SPTBN1: variants seen among roughly 807,000 people sequenced by gnomAD.
SPTBN1 encodes the protein spectrin beta chain, non-erythrocytic 1.
Under a neutral mutation model 266.4 loss-of-function variants are expected in SPTBN1, and 32 were observed. The observed-to-expected ratio is 0.12, with a 90% confidence interval of 0.09 to 0.16. The LOEUF is 0.16. Among genes scored for constraint, SPTBN1 ranks in the 10% least tolerant of loss-of-function variants. SPTBN1 has a pLI of 1.00. For synonymous variants in SPTBN1, 1,336 were observed against 1,162.2 expected, an observed-to-expected ratio of 1.15 and a Z score of -3.04; for missense variants, 2,296 against 3,067.1, an observed-to-expected ratio of 0.75 and a Z score of 5.94.
At chr2:54,659,869 T>G in intron 31 of SPTBN1, 67 bp from the exon 32 acceptor site, 1 of 1,561,150 alleles carries the variant, frequency 6.4e-7, no homozygotes. Flanking sequence ...TCTCCCACCC[T>G]TTCTTACTGT....
chr2:54,616,704 C>T (rs1455207896), intron 5 of SPTBN1, among the ~76,000 whole-genome samples: 1 of 152,186 alleles, frequency 6.6e-6, no homozygotes, highest in Non-Finnish European at 1.5e-5. Flanking sequence ...TTATCTGTGT[C>T]AGTTTCCCTT....
At chr2:54,579,366 A>C (rs1281625844) in intron 2 of SPTBN1, among the ~76,000 whole-genome samples, 2 of 152,194 alleles carry the variant, frequency 1.3e-5, no homozygotes, top group Non-Finnish European at 2.9e-5. Context: ...TTCTCTGCTC[A>C]TGTGTGACCA....
At chr2:54,590,106 C>T (rs945142046) in intron 2 of SPTBN1, among the ~76,000 whole-genome samples, 1 of 152,138 alleles carries the variant, frequency 6.6e-6, no homozygotes, top group Non-Finnish European at 1.5e-5. Flanking sequence ...GTGGCAATTG[C>T]CCAAAGATAA....
chr2:54,641,283 T>G (rs1572734758), intron 18 of SPTBN1, among the ~76,000 whole-genome samples: 1 of 149,732 alleles, frequency 6.7e-6, no homozygotes, highest in East Asian at 2.0e-4. Context: ...GCCTCTGATT[T>G]TTATGTAGCG....
Position 54,668,449 on chromosome 2 carries a change from C to T in SPTBN1, c.6975C>T (p.Arg2325=), listed in dbSNP as rs779397892. 3.7e-6 allele frequency: 6 copies of T among 1,614,214 alleles called. No individual in the cohort carries two copies. The highest frequency in any genetic ancestry group is 1.7e-5 in the Admixed American group (1 of 60,022). Residue 2325 remains arginine, a synonymous_variant, in exon 36 of 36, where the codon CGC becomes CGT. Transcript: ENST00000356805. ...CCCAGAGCACGCCAGCATCCAGCCG[C>T]GCGCAGACCCTCCCCACCAGCGTCG... ...ASTQSTPASS[R]AQTLPTSVVT... is the part of the protein sequence containing the mutation.
At chr2:54,569,571 C>T (rs1212970408) in intron 2 of SPTBN1, among the ~76,000 whole-genome samples, 1 of 152,226 alleles carries the variant, frequency 6.6e-6, no homozygotes, top group East Asian at 1.9e-4. Flanking sequence ...TTATTTTTTA[C>T]TTAACATCAT....
At chr2:54,570,742 T>C (rs1386163321) in intron 2 of SPTBN1, among the ~76,000 whole-genome samples, 4 of 152,228 alleles carry the variant, frequency 2.6e-5, no homozygotes, top group Non-Finnish European at 5.9e-5. Context: ...GAATGTGACC[T>C]TAACATTTTG....
intron 2 of SPTBN1, among the ~76,000 whole-genome samples, chr2:54,551,450 G>GCT (rs1172676508): frequency 1.3e-5 from 2 of 152,268 alleles, no homozygotes; most frequent in African/African-American, 4.8e-5. Flanking sequence ...GTGCAGGGAA[G>GCT]CTTTGCATGT....
At chr2:54,485,444 C>A (rs1050022917) in intron 1 of SPTBN1, among the ~76,000 whole-genome samples, 2 of 152,244 alleles carry the variant, frequency 1.3e-5, no homozygotes, top group Non-Finnish European at 2.9e-5. Flanking sequence ...CTGCCAGCCT[C>A]GGCCTCCCAA....
rs1286226631 is a variant in SPTBN1, at chr2:54,533,879, ATCTCTCTCTCTG to A, written c.148+7324_148+7335del. ...TGTAGTAATTTAGGGGGAAAGATTG[ATCTCTCTCTCTG>A]TCTCTCTCTCACACACACACACACA... On this transcript the variant is annotated intron_variant, in intron 2 of 35. Transcript: ENST00000356805. This position sits in a 1 kb window ranked among gnomAD's most constrained non-coding sequence, Gnocchi z 4.2. 6.8e-6 allele frequency among the ~76,000 whole-genome samples: 1 copy of A among 146,052 alleles called. No individual in the cohort carries two copies. Among genetic ancestry groups the A allele is most frequent in the Non-Finnish European group, 1.5e-5 (1 of 66,968 alleles).
chr2:54,632,338 A>G (rs1471419450), intron 16 of SPTBN1, among the ~76,000 whole-genome samples: 1 of 151,742 alleles, frequency 6.6e-6, no homozygotes, highest in Non-Finnish European at 1.5e-5. Context: ...TCCTTTCCTC[A>G]CTCTCTTTGG....
intron 2 of SPTBN1, among the ~76,000 whole-genome samples, chr2:54,576,705 T>C (rs1452016189): frequency 6.6e-6 from 1 of 152,178 alleles, no homozygotes; most frequent in African/African-American, 2.4e-5. Context: ...AGCCATCAAA[T>C]CCATCCACCT....
rs903362485 is a variant in SPTBN1 at position 54,643,095 on chromosome 2, C to T, written c.3971C>T (p.Ala1324Val). The change falls in exon 19 of 36, where the codon GCA becomes GTA. Residue 1324 changes from alanine (A) to valine (V), a missense_variant. Physicochemically the swap from Ala to Val is moderately conservative, Grantham distance 64. This residue lies in a region of SPTBN1 where 386 missense variants were observed against 486.1 expected (regional missense o/e 0.79). Transcript: ENST00000356805. The stretch of plus-strand genomic sequence containing the variant: ...CATCAAGCATTTATGGCAGAACTTG[C>T]ATCCAACAAAGAATGGCTTGACAAA... Reference protein sequence around the residue: ...LKHQAFMAELASNKEWLDKIE... With the variant: ...LKHQAFMAELVSNKEWLDKIE... The T allele has an allele frequency of 3.1e-6, 5 of 1,614,174 alleles. No homozygotes were observed. Among genetic ancestry groups the T allele is most frequent in the Non-Finnish European group, 4.2e-6 (5 of 1,180,018 alleles).
At chr2:54,557,588 A>C in intron 2 of SPTBN1, 3 of 388,254 alleles carry the variant, frequency 7.7e-6, no homozygotes, top group Non-Finnish European at 1.1e-5. Flanking sequence ...TCAGAGTAGG[A>C]ATTTGAGGGT....
At chr2:54,566,388 A>G (rs1042660452) in intron 2 of SPTBN1, among the ~76,000 whole-genome samples, 12 of 151,934 alleles carry the variant, frequency 7.9e-5, no homozygotes, top group Non-Finnish European at 1.6e-4. Context: ...GGGTTTCGCC[A>G]TGTTGGCCAG....
At chr2:54,548,196 T>C (rs2104421505) in intron 2 of SPTBN1, among the ~76,000 whole-genome samples, 1 of 152,326 alleles carries the variant, frequency 6.6e-6, no homozygotes, top group South Asian at 2.1e-4. Flanking sequence ...GTCAGGTATT[T>C]TTTTAAGTGC....
intron 18 of SPTBN1, 100 bp downstream of exon 18, chr2:54,637,903 C>T: frequency 9.8e-7 from 1 of 1,015,916 alleles, no homozygotes; most frequent in Non-Finnish European, 1.5e-6. Flanking sequence ...ATTAATGAAA[C>T]CAGAAATCCA....
At chr2:54,546,893 C>T (rs530662596) in intron 2 of SPTBN1, among the ~76,000 whole-genome samples, 1 of 151,930 alleles carries the variant, frequency 6.6e-6, no homozygotes, top group South Asian at 2.1e-4. Flanking sequence ...TGTTTCTTCC[C>T]CTGCCCAGTG....
intron 1 of SPTBN1, among the ~76,000 whole-genome samples, chr2:54,517,853 C>A (rs1670202682): frequency 1.3e-5 from 2 of 151,870 alleles, no homozygotes; most frequent in Admixed American, 1.3e-4. Flanking sequence ...ACCATGTTAG[C>A]CAGGCTGGTC....
Sources: allele counts gnomAD v4.1 joint callset (sites outside exome capture counted in the v4.1 genomes callset), GRCh38; gene constraint gnomAD v4.1.1; regional missense constraint gnomAD v4.1.1; non-coding constraint Gnocchi (gnomAD v3.1); transcripts MANE v1.5; gene names NCBI Gene and HGNC (gene_info 2026-07-23, HGNC 2026-07-21).